Variants in CRYAB observed in about 807,000 individuals in gnomAD.
CRYAB encodes crystallin alpha B.
A neutral mutation model predicts 12.7 loss-of-function variants in CRYAB; 9 were observed. The ratio of observed to expected loss-of-function variants is 0.71; its 90% CI spans 0.43 to 1.24. CRYAB has a LOEUF of 1.24. CRYAB is among the 50% of genes most tolerant of loss of function. CRYAB has a pLI of 0.00. For missense variants in CRYAB, 183 were observed against 226.6 expected, an observed-to-expected ratio of 0.81 and a Z score of 1.24; for synonymous variants, 93 against 86.8, an observed-to-expected ratio of 1.07 and a Z score of -0.40.
At chr11:111,915,238 C>A (rs1965579968), upstream of CRYAB, among the ~76,000 whole-genome samples, 1 of 152,124 alleles carries the variant, frequency 6.6e-6, no homozygotes, top group African/African-American at 2.4e-5. Flanking sequence ...CTCTTAAGAC[C>A]CATTCACATA....
At chr11:111,912,680 C>T, upstream of CRYAB, 1 of 523,448 alleles carries the variant, frequency 1.9e-6, no homozygotes, top group Non-Finnish European at 3.4e-6. Flanking sequence ...CTCCCAGCCC[C>T]TCCCCCCCCA....
chr11:111,920,688 C>A (rs1169330012), intron 1 of CRYAB, among the ~76,000 whole-genome samples: 1 of 152,080 alleles, frequency 6.6e-6, no homozygotes, highest in Non-Finnish European at 1.5e-5. Flanking sequence ...CACCTGAGCC[C>A]TGGGGGTAGA....
chr11:111,923,262 G>A (rs921111732), intron 1 of CRYAB, among the ~76,000 whole-genome samples: 1 of 152,234 alleles, frequency 6.6e-6, no homozygotes, highest in Non-Finnish European at 1.5e-5. Context: ...CACCTGTAGA[G>A]TTTGGCTGGA....
intron 1 of CRYAB, among the ~76,000 whole-genome samples, chr11:111,919,585 C>T (rs1555166359): frequency 6.6e-6 from 1 of 152,308 alleles, no homozygotes. Flanking sequence ...TCCCTTTCCC[C>T]TTCTTTCCCT....
At chr11:111,917,008 C>A (rs1364229787), upstream of CRYAB, among the ~76,000 whole-genome samples, 1 of 152,098 alleles carries the variant, frequency 6.6e-6, no homozygotes, top group Non-Finnish European at 1.5e-5. Context: ...GCACACATCA[C>A]CACACCTGGC....
At position 111,911,561 on chromosome 11, in the gene CRYAB, AGGAAGGAGGGTGGCC is replaced by A. The variant is rs782719976; in HGVS notation, c.149_163del (p.Arg50_Phe54del). Reference sequence around the variant, plus strand: ...AGTGTCAAACCAGCTGGGTGCCCGCAGGAAGGAGGGTGGCCGAAGGTAGAAGGGACTCAGGGAAGT... The same window carrying A: ...AGTGTCAAACCAGCTGGGTGCCCGCAGAAGGTAGAAGGGACTCAGGGAAGT... On this transcript the variant is annotated inframe_deletion, in exon 1 of 3. Transcript: ENST00000650687. 7.4e-6 allele frequency: 12 copies of A among 1,613,062 alleles called. No individual in the cohort carries two copies. Among genetic ancestry groups the A allele is most frequent in the Non-Finnish European group, 1.0e-5 (12 of 1,179,740 alleles).
intron 1 of CRYAB, among the ~76,000 whole-genome samples, chr11:111,919,962 G>A (rs887456108): frequency 3.3e-5 from 5 of 151,844 alleles, no homozygotes; most frequent in African/African-American, 4.8e-5. Flanking sequence ...TTGGGAGGCC[G>A]AGGCGGGTGG....
upstream of CRYAB, among the ~76,000 whole-genome samples, chr11:111,916,917 G>GGT: frequency 6.6e-6 from 1 of 151,538 alleles, no homozygotes; most frequent in South Asian, 2.1e-4. Context: ...GGAGTAAAGT[G>GGT]GTGTGATCAC....
Position 111,908,573 on chromosome 11 carries a change from T to C in CRYAB, c.*191A>G, listed in dbSNP as rs1965344083. 6.7e-6 allele frequency: 4 copies of C among 599,214 alleles called. No individual in the cohort carries two copies. Among genetic ancestry groups the C allele is most frequent in the South Asian group, 5.8e-5 (3 of 51,442 alleles). The allele number at this position is 599,214 out of a possible 1,614,324, so 37.1% of individuals were successfully genotyped here. A position where few individuals can be genotyped will look rare whatever the true frequency, so the allele number is the denominator to read the frequency against. On this transcript the variant is annotated 3_prime_UTR_variant, in exon 3 of 3. Coordinates refer to ENST00000650687, the MANE Select transcript of CRYAB (RefSeq NM_001289808.2). ...TGCAATCATAAATAGATCTGTGGTA[T>C]CTGTATATTTATTTAAAAGTGTGTG...
Position 111,919,177 on chromosome 11 carries a change from G to A in CRYAB, c.-199+4526C>T, listed in dbSNP as rs1965646425. The stretch of plus-strand genomic sequence containing the variant: ...CAGCACCTCCTTTCAGGAGGCCTTA[G>A]AAGACAGAGCCAAGTGGCTGGGCGC... On this transcript the variant is annotated intron_variant, in intron 1 of 3. Coordinates refer to the CRYAB transcript ENST00000527950. 4.0e-6 allele frequency: 3 copies of A among 749,228 alleles called. No homozygotes were observed. The Admixed American group carries it at 8.0e-5, about 20-fold the overall frequency. 46.4% of individuals were successfully genotyped at this position (749,228 alleles called of 1,614,324 possible). A position where few individuals can be genotyped will look rare whatever the true frequency, so the allele number is the denominator to read the frequency against.
At chr11:111,913,730 C>T, upstream of CRYAB, 1 of 1,614,204 alleles carries the variant, frequency 6.2e-7, no homozygotes, top group Non-Finnish European at 8.5e-7. Flanking sequence ...CTGATGTCGA[C>T]CCCTGGCGAG....
At chr11:111,911,411 T>C in intron 1 of CRYAB, 113 bp downstream of exon 1, 9 of 1,068,618 alleles carry the variant, frequency 8.4e-6, no homozygotes, top group Non-Finnish European at 1.1e-5. Context: ...TCTTCACATT[T>C]GGACACACAT....
chr11:111,910,460 C>A lies in CRYAB; in HGVS notation c.202-11G>T, dbSNP rs782385249. The A allele has an allele frequency of 1.2e-6, 2 of 1,614,112 alleles. No individual in the cohort carries two copies. Among genetic ancestry groups the A allele is most frequent in the South Asian group, 2.2e-5 (2 of 91,088 alleles). On this transcript the variant is annotated splice_polypyrimidine_tract_variant and intron_variant, in intron 1 of 2. Coordinates refer to ENST00000650687, the MANE Select transcript of CRYAB (RefSeq NM_001289808.2). The stretch of plus-strand genomic sequence containing the variant: ...CTTCTCCAGGCGCATCTAGAAATAG[C>A]AAGGTAAGGGAATGGGATGGGAGAA...
chr11:111,910,619 C>T, intron 1 of CRYAB, 170 bp from the exon 2 acceptor site: 1 of 817,374 alleles, frequency 1.2e-6, no homozygotes, highest in Non-Finnish European at 2.0e-6. Context: ...CTTCAGGGAG[C>T]CACCACAGTG....
upstream of CRYAB, chr11:111,913,412 C>A: frequency 6.4e-7 from 1 of 1,552,114 alleles, no homozygotes; most frequent in Non-Finnish European, 8.8e-7. Context: ...CTCCCTCATC[C>A]TGCCTCTTGC....
chr11:111,916,038 G>C (rs1965593063), upstream of CRYAB, among the ~76,000 whole-genome samples: 1 of 151,828 alleles, frequency 6.6e-6, no homozygotes. Context: ...CTCTGTACCT[G>C]GCCTTCCATT....
upstream of CRYAB, among the ~76,000 whole-genome samples, chr11:111,914,900 ACCTTGTCTC>A: frequency 6.6e-6 from 1 of 152,112 alleles, no homozygotes; most frequent in East Asian, 1.9e-4. Context: ...ATAGAGTGCA[ACCTTGTCTC>A]TACAAAAAAA....
chr11:111,910,934 C>A (rs1965433961), intron 1 of CRYAB: 1 of 255,974 alleles, frequency 3.9e-6, no homozygotes, highest in African/African-American at 2.2e-5. Context: ...AGAGTGTTAT[C>A]TGTGACAGCT....
chr11:111,916,646 T>C (rs995223803), upstream of CRYAB, among the ~76,000 whole-genome samples: 2 of 152,210 alleles, frequency 1.3e-5, no homozygotes, highest in African/African-American at 2.4e-5. Context: ...GACCTAAAAT[T>C]ATTATTCCAG....
Sources: gnomAD v4.1 joint callset for allele counts (sites outside exome capture counted in the v4.1 genomes callset) on GRCh38, gnomAD v4.1.1 for gene constraint, MANE v1.5 for transcripts, NCBI Gene and HGNC (gene_info 2026-07-23, HGNC 2026-07-21) for gene names.